SHQ1: variants seen among roughly 807,000 people sequenced by gnomAD.
SHQ1 encodes protein SHQ1 homolog.
SHQ1 carries 49 observed loss-of-function variants against 53.8 expected under a neutral mutation model. That is an observed-to-expected ratio of 0.91 (90% CI 0.72 to 1.16). The LOEUF (loss-of-function observed/expected upper bound fraction) is 1.16. SHQ1 is among the 50% of genes most tolerant of loss of function. The pLI is 0.00. For synonymous variants in SHQ1, 243 were observed against 251.0 expected (o/e 0.97, Z 0.30); for missense variants, 738 against 683.1 (o/e 1.08, Z -0.90).
intron 10 of SHQ1, among the ~76,000 whole-genome samples, chr3:72,772,019 C>A (rs1705862920): frequency 6.6e-6 from 1 of 152,026 alleles, no homozygotes; most frequent in Non-Finnish European, 1.5e-5. Context: ...AATTAATCCA[C>A]AAAATAAAGG....
At chr3:72,822,809 A>C (rs1277412094) in intron 6 of SHQ1, among the ~76,000 whole-genome samples, 2 of 152,204 alleles carry the variant, frequency 1.3e-5, no homozygotes, top group Admixed American at 6.5e-5. Flanking sequence ...CTTAAACTCA[A>C]ATATAAAAGT....
chr3:72,753,399 G>A, intron 10 of SHQ1: 1 of 985,396 alleles, frequency 1.0e-6, no homozygotes, highest in Non-Finnish European at 1.2e-6. Flanking sequence ...TTTAATCTGG[G>A]TGCCTGCATG....
At chr3:72,751,012 C>A (rs1343470593) in intron 10 of SHQ1, among the ~76,000 whole-genome samples, 176 bp from the exon 11 acceptor site, 1 of 152,120 alleles carries the variant, frequency 6.6e-6, no homozygotes, top group Non-Finnish European at 1.5e-5. Flanking sequence ...AAAAGTATTA[C>A]AGGGAAACAC....
intron 10 of SHQ1, among the ~76,000 whole-genome samples, chr3:72,765,557 A>ATATATATATATATT (rs1491527508): frequency 1.7e-5 from 1 of 57,188 alleles, no homozygotes; most frequent in African/African-American, 7.9e-5. Context: ...ATATATATAT[A>ATATATATATATATT]TTTTTTTTTT....
chr3:72,725,386 T>C, the SHQ1 span, among the ~76,000 whole-genome samples: 1 of 152,170 alleles, frequency 6.6e-6, no homozygotes, highest in Non-Finnish European at 1.5e-5. Flanking sequence ...TGAGCTCCCA[T>C]GCAGCCCAGG....
intron 10 of SHQ1, among the ~76,000 whole-genome samples, chr3:72,788,789 T>A: frequency 6.6e-6 from 1 of 152,180 alleles, no homozygotes; most frequent in Non-Finnish European, 1.5e-5. Context: ...CCCAACCCCG[T>A]GCTCTCTGAA....
chr3:72,833,246 C>G (rs1308619116), intron 4 of SHQ1, among the ~76,000 whole-genome samples: 1 of 151,922 alleles, frequency 6.6e-6, no homozygotes, highest in South Asian at 2.1e-4. Context: ...GTTCGAACCA[C>G]CCTGGGCAAC....
At chr3:72,826,845 G>C (rs149112222) in intron 5 of SHQ1, among the ~76,000 whole-genome samples, 2 of 152,318 alleles carry the variant, frequency 1.3e-5, no homozygotes, top group East Asian at 3.9e-4. Context: ...CAACCACCTT[G>C]TAAGCCATGT....
At chr3:72,768,832 C>T (rs1259253589) in intron 10 of SHQ1, among the ~76,000 whole-genome samples, 1 of 152,170 alleles carries the variant, frequency 6.6e-6, no homozygotes, top group African/African-American at 2.4e-5. Flanking sequence ...ATGCTGTGTG[C>T]CCCCAGTATG....
intron 9 of SHQ1, among the ~76,000 whole-genome samples, chr3:72,810,216 ACT>A (rs916275632): frequency 7.9e-5 from 12 of 152,306 alleles, no homozygotes; most frequent in African/African-American, 2.9e-4. Flanking sequence ...CTAAAACAGT[ACT>A]TAAGGGGCAA....
chr3:72,740,886 G>C, the SHQ1 span, among the ~76,000 whole-genome samples: 2 of 152,080 alleles, frequency 1.3e-5, no homozygotes, highest in Non-Finnish European at 2.9e-5. Flanking sequence ...CCTCCTTCCT[G>C]AGTCGAGTTT....
chr3:72,830,686 A>C (rs1707797748), intron 5 of SHQ1, among the ~76,000 whole-genome samples: 1 of 152,168 alleles, frequency 6.6e-6, no homozygotes, highest in South Asian at 2.1e-4. Flanking sequence ...AAGAATCTTT[A>C]CCTCATGACT....
Position 72,848,278 on chromosome 3 carries a change from C to CA in SHQ1, c.62dup (p.Pro22AlafsTer16). 1 of 1,614,192 alleles carries CA rather than the reference C, an allele frequency of 6.2e-7. No homozygotes were observed. The highest frequency in any genetic ancestry group is 8.5e-7 in the Non-Finnish European group (1 of 1,180,020). On this transcript the variant is annotated frameshift_variant, in exon 1 of 11. Transcript: ENST00000325599. LOFTEE classifies it high-confidence loss of function. ...CGAACTCGGAGACCCGGGCGTAGGGCACGCGGATGGCGATAGTCAGGAAGT... is the reference window on the plus strand; with the variant it reads ...CGAACTCGGAGACCCGGGCGTAGGGCAACGCGGATGGCGATAGTCAGGAAGT...
At chr3:72,752,523 A>G (rs1455842860) in intron 10 of SHQ1, among the ~76,000 whole-genome samples, 1 of 151,960 alleles carries the variant, frequency 6.6e-6, no homozygotes, top group African/African-American at 2.4e-5. Context: ...ATTTCATATT[A>G]TTTCAGAAGA....
At chr3:72,738,891 A>ACCCCG in the SHQ1 span, among the ~76,000 whole-genome samples, 9 of 148,826 alleles carry the variant, frequency 6.0e-5, no homozygotes, top group East Asian at 4.1e-4. Flanking sequence ...CAGTGGCCCC[A>ACCCCG]CCCCGCCCCG....
At chr3:72,775,301 G>A (rs1357607085) in intron 10 of SHQ1, among the ~76,000 whole-genome samples, 1 of 151,886 alleles carries the variant, frequency 6.6e-6, no homozygotes, top group Admixed American at 6.6e-5. Context: ...CTCTATGCCA[G>A]AAAGTTTGAA....
chr3:72,751,569 A>C (rs747886786), intron 10 of SHQ1, among the ~76,000 whole-genome samples: 35 of 147,068 alleles, frequency 2.4e-4, no homozygotes, highest in Non-Finnish European at 5.0e-4. Context: ...CTCCTAACAG[A>C]GTTCCTAATA....
chr3:72,831,788 C>A (rs1039963301), intron 5 of SHQ1, among the ~76,000 whole-genome samples: 2 of 152,122 alleles, frequency 1.3e-5, no homozygotes, highest in African/African-American at 4.8e-5. Context: ...CAAATTTAAG[C>A]CTGATGGAGA....
chr3:72,836,733 T>C (rs1007904661), intron 4 of SHQ1, among the ~76,000 whole-genome samples: 12 of 152,156 alleles, frequency 7.9e-5, no homozygotes, highest in African/African-American at 2.7e-4. Context: ...TAGAAGGCAT[T>C]AATCAACCAA....
Sources: allele counts gnomAD v4.1 joint callset (sites outside exome capture counted in the v4.1 genomes callset), GRCh38; gene constraint gnomAD v4.1.1; transcripts MANE v1.5; gene names NCBI Gene and HGNC (gene_info 2026-07-23, HGNC 2026-07-21).